GDNF: variants seen among roughly 807,000 people sequenced by gnomAD.
GDNF encodes glial cell line-derived neurotrophic factor.
GDNF carries 5 observed loss-of-function variants against 13.7 expected under a neutral mutation model. The ratio of observed to expected loss-of-function variants is 0.36; its 90% CI spans 0.19 to 0.77. GDNF has a LOEUF of 0.77. GDNF is among the 30% of genes least tolerant of loss of function. The probability of loss-of-function intolerance (pLI) is 0.51; values close to 1 mark genes in which losing one functional copy is unlikely to be tolerated. For synonymous variants in GDNF, 122 were observed against 112.5 expected (o/e 1.08, Z -0.53); for missense variants, 246 against 274.3 (o/e 0.90, Z 0.73).
intron 2 of GDNF, among the ~76,000 whole-genome samples, chr5:37,834,137 T>C (rs1561135978): frequency 6.6e-6 from 1 of 152,250 alleles, no homozygotes; most frequent in East Asian, 1.9e-4. Context: ...GTTCTGGAAA[T>C]GGAGGCCCTT....
rs925708259 is a variant in GDNF, at chr5:37,827,923, C to T, written c.151+6723G>A. Among the ~76,000 whole-genome samples, 3 of 152,110 alleles carry T rather than the reference C, an allele frequency of 2.0e-5. No individual in the cohort carries two copies. The South Asian group carries it at 6.2e-4, about 32-fold the overall frequency. ...TTTAGAAAGCTTCAAAGTAGGTAAT[C>T]GTTTTTCAACATTCTTATTTGCAGG... is the stretch of plus-strand genomic sequence containing the variant. On this transcript the variant is annotated intron_variant, in intron 2 of 2. Transcript: ENST00000326524.
rs375514086 is a variant in GDNF at position 37,837,089 on chromosome 5, G to A, written c.-26-2267C>T. 1.3e-5 allele frequency among the ~76,000 whole-genome samples: 2 copies of A among 152,284 alleles called. No homozygotes were observed. Among genetic ancestry groups the A allele is most frequent in the East Asian group, 3.9e-4 (2 of 5,160 alleles). On this transcript the variant is annotated intron_variant, in intron 1 of 2. Coordinates refer to ENST00000326524, the MANE Select transcript of GDNF (RefSeq NM_000514.4). This position sits in a 1 kb window ranked among gnomAD's most constrained non-coding sequence, Gnocchi z 6.5. ...CAGTCCGAGGGGCTCTTTCGTTCTC[G>A]GTATTTGCTGGGCGGGGGAAAAGGG...
At chr5:37,823,154 G>A (rs748982982) in intron 2 of GDNF, 8 of 152,218 alleles carry the variant, frequency 5.3e-5, no homozygotes, top group Non-Finnish European at 7.3e-5. Flanking sequence ...AGCTCAGGAA[G>A]CTGAGGCTCA....
In GDNF at chr5:37,815,481, G is replaced by A; in HGVS notation, c.*170C>T. On this transcript the variant is annotated 3_prime_UTR_variant, in exon 3 of 3. Coordinates refer to ENST00000326524, the MANE Select transcript of GDNF (RefSeq NM_000514.4). The surrounding 1 kb of genome is among the most constrained non-coding windows in gnomAD (Gnocchi z 5.0). ...CTCCCTCTACCAGGCTCCCATGATG[G>A]CTGCCTTCCTCCTCCTCCTCCTCCT... The A allele has an allele frequency of 1.6e-6, 1 of 641,758 alleles. No homozygotes were observed. 39.8% of individuals were successfully genotyped at this position (641,758 alleles called of 1,614,324 possible).
At chr5:37,820,099 T>C (rs11951867) in intron 2 of GDNF, among the ~76,000 whole-genome samples, 22,490 of 152,138 alleles carry the variant, frequency 0.15, 2,268 homozygotes, top group African/African-American at 0.29. Flanking sequence ...CATCATAGGC[T>C]CTATTCAAGA....
At chr5:37,825,740 C>G (rs547254746) in intron 2 of GDNF, among the ~76,000 whole-genome samples, 16 of 152,284 alleles carry the variant, frequency 1.1e-4, no homozygotes, top group African/African-American at 3.8e-4. Flanking sequence ...ACTCAGCATC[C>G]CTCAGCTCTT....
At position 37,815,523 on chromosome 5, in the gene GDNF, T is replaced by TCCTCCTCCTCCTCA; in HGVS notation, c.*127_*128insTGAGGAGGAGGAGG. 1.4e-6 allele frequency: 1 copy of TCCTCCTCCTCCTCA among 732,636 alleles called. No individual in the cohort carries two copies. Among genetic ancestry groups the TCCTCCTCCTCCTCA allele is most frequent in the African/African-American group, 2.8e-5 (1 of 35,768 alleles). The allele number at this position is 732,636 out of a possible 1,614,324, so 45.4% of individuals were successfully genotyped here. On this transcript the variant is annotated 3_prime_UTR_variant, in exon 3 of 3. Coordinates refer to ENST00000326524, the MANE Select transcript of GDNF (RefSeq NM_000514.4). The surrounding 1 kb of genome is among the most constrained non-coding windows in gnomAD (Gnocchi z 5.0). ...CCTCCTCCTCCTCCTCCTCCTCCTC[T>TCCTCCTCCTCCTCA]TCTTCTTCCTCCTCCTCCGCCTCCT... is the stretch of plus-strand genomic sequence containing the variant.
chr5:37,817,043 C>A (rs1307660257), intron 2 of GDNF, among the ~76,000 whole-genome samples: 1 of 152,124 alleles, frequency 6.6e-6, no homozygotes, highest in Non-Finnish European at 1.5e-5. Flanking sequence ...AGCAGCCCTG[C>A]CCCCAAGGGT....
chr5:37,827,941 T>C (rs1042738644), intron 2 of GDNF, among the ~76,000 whole-genome samples: 29 of 152,246 alleles, frequency 1.9e-4, no homozygotes, highest in African/African-American at 7.0e-4. Flanking sequence ...AACATTCTTA[T>C]TTGCAGGTTT....
At chr5:37,824,251 T>C (rs1339483911) in intron 2 of GDNF, 1 of 153,032 alleles carries the variant, frequency 6.5e-6, no homozygotes, top group Admixed American at 6.5e-5. Context: ...CACGCTACAA[T>C]TCCTTCAGTC....
rs750396423 is a variant in GDNF, at chr5:37,816,058, T to A, written c.229A>T (p.Arg77Trp). ...FIQATIKRLKRSPDKQMAVLP... is the reference protein window; with the variant it reads ...FIQATIKRLKWSPDKQMAVLP... ...ACTGCCATTTGTTTATCTGGTGACCTTTTCAGTCTTTTAATGGTGGCTTGA... is the reference window on the plus strand; with the variant it reads ...ACTGCCATTTGTTTATCTGGTGACCATTTCAGTCTTTTAATGGTGGCTTGA... The change falls in exon 3 of 3, where the codon AGG becomes TGG. Residue 77 changes from arginine (R) to tryptophan (W), a missense_variant. Coordinates refer to ENST00000326524, the MANE Select transcript of GDNF (RefSeq NM_000514.4). The A allele has an allele frequency of 6.2e-7, 1 of 1,613,318 alleles. No individual in the cohort carries two copies. The highest frequency in any genetic ancestry group is 8.5e-7 in the Non-Finnish European group (1 of 1,179,316).
chr5:37,828,436 G>T (rs547492503), intron 2 of GDNF, among the ~76,000 whole-genome samples: 1 of 152,174 alleles, frequency 6.6e-6, no homozygotes, highest in Non-Finnish European at 1.5e-5. Context: ...TTTTAAAAGG[G>T]CCAAAAGGAA....
chr5:37,815,760 T>C lies in GDNF; in HGVS notation c.527A>G (p.Gln176Arg). Residue 176 changes from glutamine (Q) to arginine (R), a missense_variant, in exon 3 of 3, where the codon CAG becomes CGG. Transcript: ENST00000326524. This position sits in a 1 kb window ranked among gnomAD's most constrained non-coding sequence, Gnocchi z 5.0. The stretch of plus-strand genomic sequence containing the variant: ...AAAGGCGATGGGTCTGCAACATGCC[T>C]GCCCTACTTTGTCACTCACCAGCCT... ...NRRLVSDKVG[Q>R]ACCRPIAFDD... 1 of 1,614,168 alleles carries C rather than the reference T, an allele frequency of 6.2e-7. No individual in the cohort carries two copies. Among genetic ancestry groups the C allele is most frequent in the Non-Finnish European group, 8.5e-7 (1 of 1,180,004 alleles).
chr5:37,818,464 T>G (rs1349297363), intron 2 of GDNF, among the ~76,000 whole-genome samples: 2 of 152,194 alleles, frequency 1.3e-5, no homozygotes, highest in Non-Finnish European at 2.9e-5. Context: ...CTGCCATGAT[T>G]GTGAGGCCTC....
In GDNF at chr5:37,831,906, T is replaced by C. The variant is rs1030187398; in HGVS notation, c.151+2740A>G. On this transcript the variant is annotated intron_variant, in intron 2 of 2. Transcript: ENST00000326524. ...GGTACCCCAAAAGTCAAATCACAAG[T>C]CCTTGAGTTTAGACAGGCTAGAAGT... is the stretch of plus-strand genomic sequence containing the variant. Among the ~76,000 whole-genome samples the C allele has an allele frequency of 2.6e-5, 4 of 152,224 alleles. No individual in the cohort carries two copies. In the South Asian group the frequency reaches 6.2e-4, roughly 24 times the overall value.
chr5:37,830,493 A>G (rs1441139392), intron 2 of GDNF, among the ~76,000 whole-genome samples: 1 of 152,230 alleles, frequency 6.6e-6, no homozygotes, highest in Non-Finnish European at 1.5e-5. Context: ...CGTGCTGACC[A>G]ACCAACAGTG....
At chr5:37,818,732 G>C (rs796607918) in intron 2 of GDNF, among the ~76,000 whole-genome samples, 7 of 152,128 alleles carry the variant, frequency 4.6e-5, no homozygotes, top group African/African-American at 1.7e-4. Flanking sequence ...CTGGACCCTT[G>C]GCCTATAGAG....
At chr5:37,816,203 A>C in intron 2 of GDNF, 68 bp from the exon 3 acceptor site, 1 of 1,555,448 alleles carries the variant, frequency 6.4e-7, no homozygotes, top group Non-Finnish European at 8.8e-7. Context: ...CTTCAAGATC[A>C]AAGTGCCCCC....
At chr5:37,816,231 T>C (rs1254960675) in intron 2 of GDNF, 96 bp from the exon 3 acceptor site, 1 of 1,258,158 alleles carries the variant, frequency 7.9e-7, no homozygotes, top group East Asian at 2.4e-5. Context: ...CAGCAAAAAT[T>C]GGACCCACAG....
Sources: allele counts gnomAD v4.1 joint callset (sites outside exome capture counted in the v4.1 genomes callset), GRCh38; gene constraint gnomAD v4.1.1; non-coding constraint Gnocchi (gnomAD v3.1); transcripts MANE v1.5; gene names NCBI Gene and HGNC (gene_info 2026-07-23, HGNC 2026-07-21).